Variants in CCDC141 observed in about 807,000 individuals in gnomAD.
CCDC141 encodes coiled-coil domain containing 141, also known as coiled-coil domain-containing protein 141.
CCDC141 carries 168 observed loss-of-function variants against 181.0 expected under a neutral mutation model. The observed-to-expected ratio is 0.93, with a 90% CI of 0.82 to 1.05. The LOEUF (loss-of-function observed/expected upper bound fraction) is 1.05, where lower values mean the gene tolerates loss of function less well. Ranked by LOEUF, CCDC141 falls within the 50% of genes least tolerant of loss-of-function variation. CCDC141 has a pLI of 0.00. For synonymous variants in CCDC141, 666 were observed against 642.3 expected, an observed-to-expected ratio of 1.04 and a Z score of -0.56; for missense variants, 1,902 against 1,788.5, an observed-to-expected ratio of 1.06 and a Z score of -1.14.
At chr2:178,915,283 A>G (rs1447532703) in intron 7 of CCDC141, among the ~76,000 whole-genome samples, 2 of 152,200 alleles carry the variant, frequency 1.3e-5, no homozygotes, top group Admixed American at 6.5e-5. Context: ...AGGAATATAT[A>G]TGATATGAGA....
At chr2:178,966,747 T>C (rs150408124) in intron 4 of CCDC141, among the ~76,000 whole-genome samples, 1 of 152,048 alleles carries the variant, frequency 6.6e-6, no homozygotes, top group African/African-American at 2.4e-5. Context: ...GGACGGAGAA[T>C]GAGTTTGACG....
intron 2 of CCDC141, among the ~76,000 whole-genome samples, chr2:179,043,998 C>A (rs2043400028): frequency 6.6e-6 from 1 of 152,200 alleles, no homozygotes; most frequent in South Asian, 2.1e-4. Flanking sequence ...CGCTAGCATT[C>A]TTATATACCA....
chr2:178,968,842 CTAAT>C (rs1481225807), intron 4 of CCDC141, among the ~76,000 whole-genome samples: 1 of 151,590 alleles, frequency 6.6e-6, no homozygotes, highest in East Asian at 1.9e-4. Flanking sequence ...GCTAGCCAGA[CTAAT>C]TAAGAAGAAA....
intron 11 of CCDC141, among the ~76,000 whole-genome samples, chr2:178,881,727 A>C (rs1185855366): frequency 6.6e-6 from 1 of 151,490 alleles, no homozygotes; most frequent in African/African-American, 2.4e-5. Flanking sequence ...CATTTTTACA[A>C]AAAAAAATAC....
At chr2:178,884,391 T>C (rs1686776198) in intron 11 of CCDC141, among the ~76,000 whole-genome samples, 1 of 152,212 alleles carries the variant, frequency 6.6e-6, no homozygotes, top group South Asian at 2.1e-4. Context: ...TCATAGCCTC[T>C]ACTCCCTATT....
At chr2:178,878,506 A>G in intron 11 of CCDC141, among the ~76,000 whole-genome samples, 1 of 130,472 alleles carries the variant, frequency 7.7e-6, no homozygotes, top group Non-Finnish European at 1.6e-5. Context: ...TTTGGTAGAG[A>G]CGAGGTCTTG....
chr2:178,883,783 G>A (rs1337597295), intron 11 of CCDC141, among the ~76,000 whole-genome samples: 1 of 152,060 alleles, frequency 6.6e-6, no homozygotes, highest in African/African-American at 2.4e-5. Flanking sequence ...AAATAAAATA[G>A]GGCTTTTCTA....
In CCDC141 at chr2:178,837,257, T is replaced by A; in HGVS notation, c.3962A>T (p.Glu1321Val). 5.6e-6 allele frequency: 9 copies of A among 1,614,134 alleles called. No individual in the cohort carries two copies. Among genetic ancestry groups the A allele is most frequent in the Non-Finnish European group, 7.6e-6 (9 of 1,180,002 alleles). Reference protein sequence around the residue: ...ALHRISAEHPESMMSEVHERA... With the variant: ...ALHRISAEHPVSMMSEVHERA... ...CTCATGCACTTCACTCATCATGCTC[T>A]CTGGATGTTCAGCACTGATTCTGTG... Residue 1321 changes from glutamate (E) to valine (V), a missense_variant, in exon 23 of 24, where the codon GAG becomes GTG. Physicochemically the swap from Glu to Val is moderately radical, Grantham distance 121 (BLOSUM62 -2). Coordinates refer to ENST00000443758, the MANE Select transcript of CCDC141 (RefSeq NM_173648.4).
chr2:178,854,612 A>G (rs1037985392), intron 19 of CCDC141, among the ~76,000 whole-genome samples: 1 of 152,216 alleles, frequency 6.6e-6, no homozygotes, highest in African/African-American at 2.4e-5. Context: ...ATAGAAACAC[A>G]TGACTCTGTT....
chr2:178,934,676 G>A (rs1689218306), intron 6 of CCDC141, among the ~76,000 whole-genome samples: 1 of 152,086 alleles, frequency 6.6e-6, no homozygotes, highest in African/African-American at 2.4e-5. Flanking sequence ...ATGTATTCCA[G>A]TAAGAAATGA....
intron 2 of CCDC141, among the ~76,000 whole-genome samples, chr2:179,015,379 A>ATCCCATATATGTATCATATATC (rs2042455316): frequency 4.7e-5 from 6 of 128,014 alleles, no homozygotes; most frequent in African/African-American, 2.0e-4. Flanking sequence ...TATCATATAT[A>ATCCCATATATGTATCATATATC]TCTCATATAT....
intron 2 of CCDC141, among the ~76,000 whole-genome samples, chr2:179,005,667 C>T (rs1219583942): frequency 6.6e-6 from 1 of 152,114 alleles, no homozygotes; most frequent in Non-Finnish European, 1.5e-5. Flanking sequence ...CAGAGTCTCA[C>T]TCTGTCGCCC....
At chr2:178,978,108 G>C (rs570823826) in intron 3 of CCDC141, among the ~76,000 whole-genome samples, 215 of 152,186 alleles carry the variant, frequency 1.4e-3, no homozygotes, top group Non-Finnish European at 2.3e-3. Flanking sequence ...CCAACTTTTA[G>C]CCAAGAACCA....
chr2:178,909,916 T>C (rs1324512311), intron 7 of CCDC141, among the ~76,000 whole-genome samples: 4 of 152,188 alleles, frequency 2.6e-5, no homozygotes, highest in Non-Finnish European at 5.9e-5. Flanking sequence ...ATGACTGGAT[T>C]GGGAAAAAAG....
At chr2:178,869,549 A>G (rs1686015349) in intron 14 of CCDC141, among the ~76,000 whole-genome samples, 1 of 152,254 alleles carries the variant, frequency 6.6e-6, no homozygotes. Flanking sequence ...TTTCAAAGCT[A>G]GGTGGAAAAA....
At chr2:179,003,224 A>T (rs190256484) in intron 2 of CCDC141, among the ~76,000 whole-genome samples, 2 of 152,202 alleles carry the variant, frequency 1.3e-5, no homozygotes, top group African/African-American at 4.8e-5. Flanking sequence ...TTCCAACAAC[A>T]AAAAAAATCA....
rs562387894 is a variant in CCDC141 at position 178,981,139 on chromosome 2, T to C, written c.226-2464A>G. Among the ~76,000 whole-genome samples, 4 of 152,238 alleles carry C rather than the reference T, an allele frequency of 2.6e-5. No homozygotes were observed. In the South Asian group the frequency reaches 6.2e-4, roughly 24 times the overall value. ...AGAACTACATGCAGAAATAGATAAA[T>C]ATACTATAATAGAGACTTCAACATC... is the stretch of plus-strand genomic sequence containing the variant. On this transcript the variant is annotated intron_variant, in intron 2 of 23. Coordinates refer to ENST00000443758, the MANE Select transcript of CCDC141 (RefSeq NM_173648.4).
intron 2 of CCDC141, among the ~76,000 whole-genome samples, chr2:178,993,958 G>A (rs1692169768): frequency 1.3e-5 from 2 of 152,322 alleles, no homozygotes; most frequent in South Asian, 2.1e-4. Context: ...GATGCAAGAG[G>A]TGAGTTCCCA....
chr2:179,022,508 G>A (rs1176357488), intron 2 of CCDC141, among the ~76,000 whole-genome samples: 3 of 152,104 alleles, frequency 2.0e-5, no homozygotes, highest in South Asian at 2.1e-4. Context: ...ACACTGTTCC[G>A]TCTCACGCCA....
Sources: gnomAD v4.1 joint callset for allele counts (sites outside exome capture counted in the v4.1 genomes callset) on GRCh38, gnomAD v4.1.1 for gene constraint, MANE v1.5 for transcripts, NCBI Gene and HGNC (gene_info 2026-07-23, HGNC 2026-07-21) for gene names.